Variants in CHRNA2 observed in about 807,000 individuals in gnomAD.
CHRNA2 encodes cholinergic receptor nicotinic alpha 2 subunit.
In CHRNA2, 40 loss-of-function variants were observed where a neutral mutation model predicts 45.5. That is an observed-to-expected ratio of 0.88 (90% CI 0.68 to 1.15). The LOEUF is 1.15. Among genes scored for constraint, CHRNA2 ranks in the 50% most tolerant of loss-of-function variants. The pLI, the probability that CHRNA2 is intolerant of heterozygous loss-of-function variation, is 0.00. For missense variants in CHRNA2, 655 were observed against 701.7 expected, an observed-to-expected ratio of 0.93 and a Z score of 0.75; for synonymous variants, 301 against 296.7, an observed-to-expected ratio of 1.01 and a Z score of -0.15.
At chr8:27,473,931 T>TG (rs1182965755) in intron 1 of CHRNA2, among the ~76,000 whole-genome samples, 4 of 152,208 alleles carry the variant, frequency 2.6e-5, no homozygotes, top group Non-Finnish European at 4.4e-5. Flanking sequence ...GGGCTGGCAC[T>TG]GGCAAATGTC....
Position 27,470,042 on chromosome 8 carries a change from G to A in CHRNA2, c.74-61C>T, listed in dbSNP as rs575468775. 16 of 1,443,150 alleles carry A rather than the reference G, an allele frequency of 1.1e-5. No homozygotes were observed. In the South Asian group the frequency reaches 1.5e-4, roughly 14 times the overall value. 89.4% of individuals were successfully genotyped at this position (1,443,150 alleles called of 1,614,324 possible). On this transcript the variant is annotated intron_variant, in intron 2 of 6. Transcript: ENST00000407991. ...CCTCAGTTTGCTCATCTGTAAAATGGAGATGCTTATCCAGAACCTATCTCA... is the reference window on the plus strand; with the variant it reads ...CCTCAGTTTGCTCATCTGTAAAATGAAGATGCTTATCCAGAACCTATCTCA...
intron 5 of CHRNA2, among the ~76,000 whole-genome samples, chr8:27,465,360 TC>T (rs1241111416): frequency 1.3e-5 from 2 of 152,006 alleles, no homozygotes; most frequent in African/African-American, 4.8e-5. Context: ...ATGGAGTAGT[TC>T]CATGGTAGAG....
chr8:27,466,437 G>C (rs1399151504), intron 5 of CHRNA2, among the ~76,000 whole-genome samples: 1 of 152,150 alleles, frequency 6.6e-6, no homozygotes, highest in Admixed American at 6.5e-5. Flanking sequence ...CAAAGGACTT[G>C]GGTGGGGATG....
At chr8:27,462,421 G>A (rs575742603) in intron 6 of CHRNA2, among the ~76,000 whole-genome samples, 1 of 152,358 alleles carries the variant, frequency 6.6e-6, no homozygotes, top group South Asian at 2.1e-4. Context: ...AGCTGGGGCA[G>A]GGGTCAGGGT....
In CHRNA2 at chr8:27,459,984, G is replaced by C. The variant is rs1024281675; in HGVS notation, c.*1645C>G. 1 of 152,828 alleles carries C rather than the reference G, an allele frequency of 6.5e-6. No individual in the cohort carries two copies. The highest frequency in any genetic ancestry group is 2.4e-5 in the African/African-American group (1 of 41,448). The allele number at this position is 152,828 out of a possible 1,614,324, so 9.5% of individuals were successfully genotyped here. On this transcript the variant is annotated 3_prime_UTR_variant, in exon 7 of 7. Coordinates refer to ENST00000407991, the MANE Select transcript of CHRNA2 (RefSeq NM_000742.4). ...AGACCAGATGTGCCATGAGCAGGGG[G>C]GTTGTGGGAGAGAAGTGAGGCATGG...
At position 27,463,810 on chromosome 8, in the gene CHRNA2, G is replaced by A. The variant is rs1812608693; in HGVS notation, c.633C>T (p.Ile211=). ...CAGTCTGCTCCATCTGCTCCAGGTC[G>A]ATCTTGGCCTTGTCATAAGTCCAGG... ...FGSWTYDKAK[I]DLEQMEQTVD... Residue 211 remains isoleucine, a synonymous_variant, in exon 6 of 7, where the codon ATC becomes ATT. Coordinates refer to ENST00000407991, the MANE Select transcript of CHRNA2 (RefSeq NM_000742.4). This position sits in a 1 kb window ranked among gnomAD's most constrained non-coding sequence, Gnocchi z 6.1. The A allele has an allele frequency of 1.2e-6, 2 of 1,614,062 alleles. No homozygotes were observed. Among genetic ancestry groups the A allele is most frequent in the Non-Finnish European group, 8.5e-7 (1 of 1,180,034 alleles).
Position 27,474,851 on chromosome 8 carries a change from C to T in CHRNA2, c.-136-3657G>A, listed in dbSNP as rs180697308. On this transcript the variant is annotated intron_variant, in intron 1 of 6. Coordinates refer to ENST00000407991, the MANE Select transcript of CHRNA2 (RefSeq NM_000742.4). Reference sequence around the variant, plus strand: ...AGCAGCTTCTGTGGCTCAGGTGAACCGCAGTGGCAAGGTCTGGGATCTCTG... The same window carrying T: ...AGCAGCTTCTGTGGCTCAGGTGAACTGCAGTGGCAAGGTCTGGGATCTCTG... Among the ~76,000 whole-genome samples the T allele has an allele frequency of 4.6e-5, 7 of 152,364 alleles. No homozygotes were observed. The South Asian group carries it at 6.2e-4, about 14-fold the overall frequency.
chr8:27,465,227 A>C (rs553473736), intron 5 of CHRNA2, among the ~76,000 whole-genome samples: 19 of 152,238 alleles, frequency 1.2e-4, no homozygotes, highest in African/African-American at 4.6e-4. Context: ...TTCCACCAGG[A>C]GGTGGCTCGG....
intron 1 of CHRNA2, among the ~76,000 whole-genome samples, chr8:27,472,839 A>G (rs541245782): frequency 4.1e-4 from 63 of 152,334 alleles, no homozygotes; most frequent in Admixed American, 3.3e-4. Context: ...TTATTAAAAA[A>G]TAAACAAACA....
chr8:27,465,439 A>C (rs1041803744), intron 5 of CHRNA2, among the ~76,000 whole-genome samples: 1 of 151,726 alleles, frequency 6.6e-6, no homozygotes, highest in Non-Finnish European at 1.5e-5. Context: ...AAGTTAAAAA[A>C]AATTTTTTTT....
chr8:27,465,541 C>T (rs538009445), intron 5 of CHRNA2, among the ~76,000 whole-genome samples: 68 of 152,178 alleles, frequency 4.5e-4, no homozygotes, highest in African/African-American at 1.6e-3. Flanking sequence ...AAGCAATTCT[C>T]CTGCCTCAGC....
Position 27,461,688 on chromosome 8 carries a change from C to G in CHRNA2, c.1531G>C (p.Val511Leu), listed in dbSNP as rs796052306. 2.5e-6 allele frequency: 4 copies of G among 1,614,218 alleles called. No individual in the cohort carries two copies. The Middle Eastern group carries it at 6.6e-4, about 266-fold the overall frequency. ...DRIFLWLFIIVCFLGTIGLFL... is the reference protein window; with the variant it reads ...DRIFLWLFIILCFLGTIGLFL... ...AGGCCGATGGTCCCCAGGAAGCAGACGATGATAAACAGCCAGAGGAAGATC... is the reference window on the plus strand; with the variant it reads ...AGGCCGATGGTCCCCAGGAAGCAGAGGATGATAAACAGCCAGAGGAAGATC... The change falls in exon 7 of 7, where the codon GTC becomes CTC. Residue 511 changes from valine to leucine, a missense_variant. Val to Leu is a conservative substitution (Grantham distance 32, BLOSUM62 1). Coordinates refer to ENST00000407991, the MANE Select transcript of CHRNA2 (RefSeq NM_000742.4).
chr8:27,470,673 C>T (rs760889523), intron 2 of CHRNA2, among the ~76,000 whole-genome samples: 1 of 152,238 alleles, frequency 6.6e-6, no homozygotes, highest in Non-Finnish European at 1.5e-5. Flanking sequence ...TCCCGAGTGC[C>T]TCCTGTATCC....
rs906848200 is a variant in CHRNA2 at position 27,461,440 on chromosome 8, C to G, written c.*189G>C. 4.7e-5 allele frequency: 37 copies of G among 793,152 alleles called. No homozygotes were observed. Among genetic ancestry groups the G allele is most frequent in the Non-Finnish European group, 6.1e-5 (31 of 508,554 alleles). 49.1% of individuals were successfully genotyped at this position (793,152 alleles called of 1,614,324 possible). A position where few individuals can be genotyped will look rare whatever the true frequency, so the allele number is the denominator to read the frequency against. On this transcript the variant is annotated 3_prime_UTR_variant, in exon 7 of 7. Coordinates refer to ENST00000407991, the MANE Select transcript of CHRNA2 (RefSeq NM_000742.4). ...TCCGTATCCAAAACAGGGCTTTGCACCCAGCAGGCTGTCAGCCCTGGTACA... is the reference window on the plus strand; with the variant it reads ...TCCGTATCCAAAACAGGGCTTTGCAGCCAGCAGGCTGTCAGCCCTGGTACA...
In CHRNA2 at chr8:27,468,571, G is replaced by A. The variant is rs1586397254; in HGVS notation, c.339+764C>T. Reference sequence around the variant, plus strand: ...TCACTCTGGAATCCCTGAACCACCAGGCAGGATGTCTGACTCCCCTGCTGG... The same window carrying A: ...TCACTCTGGAATCCCTGAACCACCAAGCAGGATGTCTGACTCCCCTGCTGG... On this transcript the variant is annotated intron_variant, in intron 4 of 6. Coordinates refer to ENST00000407991, the MANE Select transcript of CHRNA2 (RefSeq NM_000742.4). 3.3e-5 allele frequency among the ~76,000 whole-genome samples: 5 copies of A among 152,304 alleles called. No individual in the cohort carries two copies. In the South Asian group the frequency reaches 1.0e-3, roughly 32 times the overall value.
chr8:27,472,147 C>T (rs1003144029), intron 1 of CHRNA2, among the ~76,000 whole-genome samples: 5 of 152,178 alleles, frequency 3.3e-5, no homozygotes, highest in Admixed American at 6.5e-5. Flanking sequence ...CAAACCTTGC[C>T]GTATGCATCT....
Position 27,464,080 on chromosome 8 carries a change from G to C in CHRNA2, c.450-87C>G, listed in dbSNP as rs3735757. Reference sequence around the variant, plus strand: ...CAGAGAGCTGGCAGCAGGGGAACCCGAAGAACCAAGTCAGACCCGGCCACA... The same window carrying C: ...CAGAGAGCTGGCAGCAGGGGAACCCCAAGAACCAAGTCAGACCCGGCCACA... On this transcript the variant is annotated intron_variant, in intron 5 of 6. Coordinates refer to ENST00000407991, the MANE Select transcript of CHRNA2 (RefSeq NM_000742.4). 0.84 allele frequency: 1,281,283 copies of C among 1,517,462 alleles called. 543,356 individuals are homozygous for C. Among genetic ancestry groups the C allele is most frequent in the Middle Eastern group, 0.92 (4,062 of 4,392 alleles). The allele number at this position is 1,517,462 out of a possible 1,614,324, so 94.0% of individuals were successfully genotyped here.
intron 4 of CHRNA2, among the ~76,000 whole-genome samples, chr8:27,468,373 T>C (rs926629743): frequency 1.3e-5 from 2 of 152,112 alleles, no homozygotes; most frequent in African/African-American, 4.8e-5. Context: ...ATGAGATGAG[T>C]GACCCCCTGA....
chr8:27,469,456 G>C, intron 3 of CHRNA2, 77 bp from the exon 4 acceptor site: 1 of 1,440,394 alleles, frequency 6.9e-7, no homozygotes, highest in South Asian at 1.2e-5. Context: ...GGGATGGGCT[G>C]TTTTCAGACC....
Sources: allele counts gnomAD v4.1 joint callset (sites outside exome capture counted in the v4.1 genomes callset), GRCh38; gene constraint gnomAD v4.1.1; non-coding constraint Gnocchi (gnomAD v3.1); transcripts MANE v1.5; gene names NCBI Gene and HGNC (gene_info 2026-07-23, HGNC 2026-07-21).